Variants in TSHZ2 observed in about 807,000 individuals in gnomAD.
TSHZ2 encodes the protein teashirt homolog 2.
In TSHZ2, 21 loss-of-function variants were observed where a neutral mutation model predicts 74.4. That is an observed-to-expected ratio of 0.28 (90% CI 0.20 to 0.41). The LOEUF is 0.41. Ranked by LOEUF, TSHZ2 falls within the 10% of genes least tolerant of loss-of-function variation. The pLI, the probability that TSHZ2 is intolerant of heterozygous loss-of-function variation, is 1.00. For synonymous variants in TSHZ2, 540 were observed against 515.3 expected (o/e 1.05, Z -0.65); for missense variants, 1,244 against 1,293.5 (o/e 0.96, Z 0.59).
At chr20:53,041,922 G>A (rs757342739) in intron 1 of TSHZ2, among the ~76,000 whole-genome samples, 1 of 152,184 alleles carries the variant, frequency 6.6e-6, no homozygotes, top group African/African-American at 2.4e-5. Context: ...CAGGTGAATT[G>A]GAAGTCTGTT....
chr20:53,101,210 A>G (rs1986207961), intron 1 of TSHZ2, among the ~76,000 whole-genome samples: 1 of 152,250 alleles, frequency 6.6e-6, no homozygotes, highest in Non-Finnish European at 1.5e-5. Flanking sequence ...TTAGAAATCC[A>G]AAGATTCCCA....
chr20:53,412,556 T>G (rs1289417813), intron 2 of TSHZ2: 1 of 152,336 alleles, frequency 6.6e-6, no homozygotes, highest in African/African-American at 2.4e-5. Flanking sequence ...TTCTGGGCAC[T>G]CACGGGTTCT....
intron 1 of TSHZ2, among the ~76,000 whole-genome samples, chr20:53,207,858 CTTTTTTTT>C (rs58457116): frequency 2.1e-5 from 2 of 96,698 alleles, no homozygotes; most frequent in African/African-American, 4.2e-5. Flanking sequence ...CATTGTTTTA[CTTTTTTTT>C]TTTTTTTTTT....
chr20:53,474,069 T>C (rs943217065), intron 2 of TSHZ2, among the ~76,000 whole-genome samples: 2 of 150,486 alleles, frequency 1.3e-5, no homozygotes, highest in Non-Finnish European at 2.9e-5. Context: ...TGGAACCAAG[T>C]TGGAAAACAC....
chr20:53,019,070 A>G lies in TSHZ2; in HGVS notation c.40+45737A>G, dbSNP rs141139162. Among the ~76,000 whole-genome samples the G allele has an allele frequency of 1.4e-3, 212 of 152,276 alleles. 1 individual carries two copies. Among genetic ancestry groups the G allele is most frequent in the African/African-American group, 4.6e-3 (190 of 41,564 alleles). ...TGGGAGAAAAAAAATGAGGGAAAGG[A>G]CCAATTCTCTATATTTGTGTAATTG... On this transcript the variant is annotated intron_variant, in intron 1 of 2. Transcript: ENST00000371497.
Position 53,451,802 on chromosome 20 carries a change from C to T in TSHZ2, c.*9-35342C>T, listed in dbSNP as rs6097421. Among the ~76,000 whole-genome samples, 355 of 152,268 alleles carry T rather than the reference C, an allele frequency of 2.3e-3. 1 individual carries two copies. The highest frequency in any genetic ancestry group is 8.2e-3 in the African/African-American group (340 of 41,552). On this transcript the variant is annotated intron_variant, in intron 2 of 2. Transcript: ENST00000371497. ...AGTTTCCTCACTAAACTATAAACTC[C>T]GTAAAGCTGGGATCCTTCCAATTTT... is the stretch of plus-strand genomic sequence containing the variant.
chr20:53,379,625 C>T lies in TSHZ2; in HGVS notation c.*9-107519C>T, dbSNP rs539639726. On this transcript the variant is annotated intron_variant, in intron 2 of 2. Coordinates refer to ENST00000371497, the MANE Select transcript of TSHZ2 (RefSeq NM_173485.6). ...AGTCTCTTGGGATGTCTTTGCCAAGCGAAGCCCAATGGTGCCATAAATCAG... is the reference window on the plus strand; with the variant it reads ...AGTCTCTTGGGATGTCTTTGCCAAGTGAAGCCCAATGGTGCCATAAATCAG... Among the ~76,000 whole-genome samples, 17 of 152,040 alleles carry T rather than the reference C, an allele frequency of 1.1e-4. No homozygotes were observed. In the South Asian group the frequency reaches 2.7e-3, roughly 24 times the overall value.
At chr20:53,472,387 C>T (rs1286297451) in intron 2 of TSHZ2, among the ~76,000 whole-genome samples, 1 of 152,062 alleles carries the variant, frequency 6.6e-6, no homozygotes, top group East Asian at 1.9e-4. Flanking sequence ...CAAAGACGAC[C>T]GAACTTTCTG....
chr20:53,407,019 A>G (rs1352492629), intron 2 of TSHZ2, among the ~76,000 whole-genome samples: 1 of 152,192 alleles, frequency 6.6e-6, no homozygotes, highest in Non-Finnish European at 1.5e-5. Flanking sequence ...CCAATGAGCA[A>G]TGGGGATGTC....
chr20:53,069,272 G>T (rs925384671), intron 1 of TSHZ2, among the ~76,000 whole-genome samples: 5 of 152,154 alleles, frequency 3.3e-5, no homozygotes, highest in Admixed American at 1.3e-4. Context: ...GGAAGTATAT[G>T]TTGTTTATCA....
chr20:53,180,043 T>A (rs533024235), intron 1 of TSHZ2, among the ~76,000 whole-genome samples: 1 of 152,316 alleles, frequency 6.6e-6, no homozygotes, highest in East Asian at 1.9e-4. Flanking sequence ...AAACTGTCAT[T>A]TATAGAATGT....
intron 2 of TSHZ2, among the ~76,000 whole-genome samples, chr20:53,317,228 TA>T (rs1979061685): frequency 6.6e-6 from 1 of 152,212 alleles, no homozygotes; most frequent in Non-Finnish European, 1.5e-5. Flanking sequence ...CTGAACTCCC[TA>T]GTCTTGGGCA....
intron 1 of TSHZ2, among the ~76,000 whole-genome samples, chr20:53,083,900 A>AT (rs1000286715): frequency 8.6e-5 from 13 of 151,752 alleles, no homozygotes; most frequent in South Asian, 2.1e-4. Flanking sequence ...CATTTATTGC[A>AT]TTTTTTTTAC....
chr20:53,198,716 A>T (rs1271303372), intron 1 of TSHZ2, among the ~76,000 whole-genome samples: 2 of 152,196 alleles, frequency 1.3e-5, no homozygotes, highest in Non-Finnish European at 2.9e-5. Flanking sequence ...GAACTCCAAG[A>T]CTTGTCCTGA....
At chr20:53,360,134 T>A (rs940605507) in intron 2 of TSHZ2, among the ~76,000 whole-genome samples, 12 of 152,174 alleles carry the variant, frequency 7.9e-5, no homozygotes, top group African/African-American at 2.9e-4. Context: ...TAGGAAAGCA[T>A]CTTAATGAAA....
At chr20:53,011,139 C>T (rs1982836308) in intron 1 of TSHZ2, among the ~76,000 whole-genome samples, 1 of 152,130 alleles carries the variant, frequency 6.6e-6, no homozygotes, top group Non-Finnish European at 1.5e-5. Flanking sequence ...CCAGCTTGGC[C>T]TGAATTTTAC....
chr20:53,124,249 C>CT (rs1002478823), intron 1 of TSHZ2, among the ~76,000 whole-genome samples: 8 of 152,214 alleles, frequency 5.3e-5, no homozygotes, highest in Non-Finnish European at 5.9e-5. Flanking sequence ...TAACTGTACT[C>CT]TTTTCCAATG....
At chr20:53,244,877 TAAC>T (rs1439332331) in intron 1 of TSHZ2, among the ~76,000 whole-genome samples, 1 of 152,224 alleles carries the variant, frequency 6.6e-6, no homozygotes, top group Non-Finnish European at 1.5e-5. Flanking sequence ...TAATATTAAA[TAAC>T]AAACCCCAAA....
intron 1 of TSHZ2, among the ~76,000 whole-genome samples, chr20:52,984,143 C>T (rs1389861091): frequency 1.3e-5 from 2 of 152,176 alleles, no homozygotes; most frequent in African/African-American, 2.4e-5. Context: ...GATTCTGCTG[C>T]CTGCCTTAGG....
Sources: allele counts gnomAD v4.1 joint callset (sites outside exome capture counted in the v4.1 genomes callset), GRCh38; gene constraint gnomAD v4.1.1; transcripts MANE v1.5; gene names NCBI Gene and HGNC (gene_info 2026-07-23, HGNC 2026-07-21).